Variants in KCNG3 observed in about 807,000 individuals in gnomAD.
KCNG3 encodes potassium voltage-gated channel modifier subfamily G member 3.
KCNG3 carries 15 observed loss-of-function variants against 29.0 expected under a neutral mutation model. The observed-to-expected ratio is 0.52, with a 90% CI of 0.35 to 0.80. The LOEUF (loss-of-function observed/expected upper bound fraction) is 0.80, where lower values mean the gene tolerates loss of function less well. Among genes scored for constraint, KCNG3 ranks in the 30% least tolerant of loss-of-function variants. The pLI is 0.01. For missense variants in KCNG3, 512 were observed against 605.7 expected, an observed-to-expected ratio of 0.85 and a Z score of 1.62; for synonymous variants, 322 against 248.9, an observed-to-expected ratio of 1.29 and a Z score of -2.76.
the KCNG3 span, among the ~76,000 whole-genome samples, chr2:42,403,477 GTT>G: frequency 6.6e-3 from 577 of 87,768 alleles, 2 homozygotes; most frequent in African/African-American, 0.025. Flanking sequence ...TTTCTTTTCT[GTT>G]TTTTTTTTTT....
At chr2:42,430,363 A>AAAATAAATAAAT in the KCNG3 span, among the ~76,000 whole-genome samples, 11 of 140,116 alleles carry the variant, frequency 7.9e-5, no homozygotes, top group African/African-American at 1.3e-4. Context: ...GACTGTCTTA[A>AAAATAAATAAAT]AAATAAATAA....
intron 1 of KCNG3, among the ~76,000 whole-genome samples, chr2:42,455,390 G>A (rs1672853683): frequency 6.6e-6 from 1 of 152,132 alleles, no homozygotes; most frequent in Non-Finnish European, 1.5e-5. Flanking sequence ...AATTGAACGA[G>A]ATTGTTCCTG....
intron 1 of KCNG3, among the ~76,000 whole-genome samples, chr2:42,462,512 T>C (rs1673044902): frequency 6.6e-6 from 1 of 151,986 alleles, no homozygotes; most frequent in African/African-American, 2.4e-5. Context: ...TTAAACCCCG[T>C]CTCTACTAAA....
the KCNG3 span, among the ~76,000 whole-genome samples, chr2:42,390,967 C>T: frequency 5.3e-5 from 8 of 152,182 alleles, no homozygotes; most frequent in Admixed American, 1.3e-4. Flanking sequence ...GGATTTCCCC[C>T]AGAGTCACCA....
chr2:42,423,298 CT>C, the KCNG3 span, among the ~76,000 whole-genome samples: 4 of 152,218 alleles, frequency 2.6e-5, no homozygotes, highest in Non-Finnish European at 5.9e-5. Context: ...TCCCCAGTCT[CT>C]CTCCACCCTT....
At chr2:42,490,229 C>T (rs1308808652) in intron 1 of KCNG3, among the ~76,000 whole-genome samples, 1 of 152,044 alleles carries the variant, frequency 6.6e-6, no homozygotes, top group Non-Finnish European at 1.5e-5. Context: ...TTATTTTGTT[C>T]CCAGGCAGGG....
chr2:42,469,378 T>C (rs1347110808), intron 1 of KCNG3, among the ~76,000 whole-genome samples: 1 of 150,310 alleles, frequency 6.7e-6, no homozygotes, highest in Non-Finnish European at 1.5e-5. Context: ...GATCAGGCCA[T>C]TGCACACGAG....
chr2:42,402,089 G>A, the KCNG3 span, among the ~76,000 whole-genome samples: 3 of 152,154 alleles, frequency 2.0e-5, no homozygotes, highest in African/African-American at 7.2e-5. Flanking sequence ...TCATGGGGAT[G>A]GGCATCATCT....
the KCNG3 span, among the ~76,000 whole-genome samples, chr2:42,395,670 T>C: frequency 6.6e-6 from 1 of 152,154 alleles, no homozygotes; most frequent in East Asian, 1.9e-4. Context: ...GAAAATACAT[T>C]TAAGCCAGCC....
chr2:42,433,942 T>G, the KCNG3 span, among the ~76,000 whole-genome samples: 2 of 152,112 alleles, frequency 1.3e-5, no homozygotes, highest in Non-Finnish European at 2.9e-5. Flanking sequence ...ACCAAACAAA[T>G]GCAAGACTTG....
Position 42,443,894 on chromosome 2 carries a change from T to G in KCNG3, c.*40A>C, listed in dbSNP as rs1178124937. 1 of 1,542,328 alleles carries G rather than the reference T, an allele frequency of 6.5e-7. No individual in the cohort carries two copies. Among genetic ancestry groups the G allele is most frequent in the Admixed American group, 1.9e-5 (1 of 51,980 alleles). ...ACATAAATATGAAGCAGCATCAAAG[T>G]CTTTCTATGAAGTGTATGCAAGAAT... is the stretch of plus-strand genomic sequence containing the variant. On this transcript the variant is annotated 3_prime_UTR_variant, in exon 2 of 2. Transcript: ENST00000306078.
rs1461687069 is a variant in KCNG3 at position 42,493,721 on chromosome 2, G to A, written c.-220C>T. 7 of 352,716 alleles carry A rather than the reference G, an allele frequency of 2.0e-5. 1 individual carries two copies. Among genetic ancestry groups the A allele is most frequent in the Admixed American group, 1.4e-4 (3 of 20,820 alleles). The allele number at this position is 352,716 out of a possible 1,614,324, so 21.8% of individuals were successfully genotyped here. ...GCGCCCTCCGCCCGGCGGTACCTGC[G>A]GGTGGCCGGGGAGTCCTCGCCGGCG... On this transcript the variant is annotated 5_prime_UTR_variant, in exon 1 of 2. Transcript: ENST00000306078.
At chr2:42,427,449 T>A in the KCNG3 span, among the ~76,000 whole-genome samples, 1 of 151,428 alleles carries the variant, frequency 6.6e-6, no homozygotes, top group African/African-American at 2.4e-5. Flanking sequence ...TATTAAAAAA[T>A]GCAAAAATTA....
intron 1 of KCNG3, among the ~76,000 whole-genome samples, chr2:42,462,077 T>C (rs764143444): frequency 1.3e-5 from 2 of 152,224 alleles, no homozygotes; most frequent in Non-Finnish European, 2.9e-5. Context: ...CTCTAAAATG[T>C]ACCCATTAAA....
chr2:42,410,267 C>T, the KCNG3 span, among the ~76,000 whole-genome samples: 4 of 151,976 alleles, frequency 2.6e-5, no homozygotes, highest in Admixed American at 6.6e-5. Flanking sequence ...CAATGAATAA[C>T]CTTATATGTA....
At chr2:42,413,748 AAGG>A in the KCNG3 span, 1 of 152,922 alleles carries the variant, frequency 6.5e-6, no homozygotes, top group Non-Finnish European at 1.5e-5. Context: ...TGGCAGCAGC[AAGG>A]AGAAGTGCCC....
the KCNG3 span, among the ~76,000 whole-genome samples, chr2:42,405,905 C>T: frequency 6.6e-6 from 1 of 151,830 alleles, no homozygotes; most frequent in African/African-American, 2.4e-5. Flanking sequence ...CGCACCTGGC[C>T]TAATTTTTGT....
intron 1 of KCNG3, among the ~76,000 whole-genome samples, chr2:42,491,084 C>T (rs1007838172): frequency 1.3e-5 from 2 of 152,180 alleles, no homozygotes; most frequent in African/African-American, 4.8e-5. Flanking sequence ...ACAGCTCTGA[C>T]TTGAATAATT....
At chr2:42,397,787 TAAG>T in the KCNG3 span, among the ~76,000 whole-genome samples, 1 of 152,178 alleles carries the variant, frequency 6.6e-6, no homozygotes, top group Non-Finnish European at 1.5e-5. Flanking sequence ...TGGTGAAAAA[TAAG>T]AATGTGTTTT....
Sources: gnomAD v4.1 joint callset for allele counts (sites outside exome capture counted in the v4.1 genomes callset) on GRCh38, gnomAD v4.1.1 for gene constraint, MANE v1.5 for transcripts, NCBI Gene and HGNC (gene_info 2026-07-23, HGNC 2026-07-21) for gene names.